The following ZBTB44 variants were observed in gnomAD, a reference collection of about 807,000 sequenced individuals.
ZBTB44 encodes zinc finger and BTB domain-containing protein 44.
In ZBTB44, 15 loss-of-function variants were observed where a neutral mutation model predicts 54.0. That is an observed-to-expected ratio of 0.28 (90% confidence interval 0.19 to 0.43). ZBTB44 has a LOEUF of 0.43. Ranked by LOEUF, ZBTB44 falls within the 20% of genes least tolerant of loss-of-function variation. ZBTB44 has a pLI of 1.00. For missense variants in ZBTB44, 487 were observed against 707.1 expected, an observed-to-expected ratio of 0.69 and a Z score of 3.53; for synonymous variants, 230 against 250.1, an observed-to-expected ratio of 0.92 and a Z score of 0.76.
At chr11:130,299,100 T>C (rs76980635) in intron 1 of ZBTB44, among the ~76,000 whole-genome samples, 9,725 of 149,516 alleles carry the variant, frequency 0.065, 741 homozygotes, top group African/African-American at 0.18. Flanking sequence ...TAAAAAAAAC[T>C]GTAAAGGGCA....
At chr11:130,287,964 A>AC (rs1000201183) in intron 1 of ZBTB44, among the ~76,000 whole-genome samples, 6 of 147,734 alleles carry the variant, frequency 4.1e-5, no homozygotes, top group Non-Finnish European at 8.9e-5. Flanking sequence ...ATTTTCTCAG[A>AC]CAAAAAAAAA....
At chr11:130,270,982 G>A (rs1317263269) in intron 1 of ZBTB44, among the ~76,000 whole-genome samples, 2 of 152,142 alleles carry the variant, frequency 1.3e-5, no homozygotes, top group Non-Finnish European at 2.9e-5. Flanking sequence ...AGAATGTACG[G>A]GGACGAAGGG....
At chr11:130,255,886 G>T (rs1308493043) in intron 2 of ZBTB44, among the ~76,000 whole-genome samples, 2 of 121,638 alleles carry the variant, frequency 1.6e-5, no homozygotes, top group Non-Finnish European at 3.3e-5. Flanking sequence ...TTCTAAAGTT[G>T]AGGCAAAACC....
At chr11:130,285,722 T>TA (rs1302549824) in intron 1 of ZBTB44, 3 of 249,494 alleles carry the variant, frequency 1.2e-5, no homozygotes, top group Admixed American at 1.2e-4. Context: ...CCAGTTCTTG[T>TA]ACTCTGGAAT....
chr11:130,298,538 C>T (rs1378497079), intron 1 of ZBTB44, among the ~76,000 whole-genome samples: 1 of 148,700 alleles, frequency 6.7e-6, no homozygotes, highest in Non-Finnish European at 1.5e-5. Flanking sequence ...TCTTGGCTCA[C>T]TGCAACCTTC....
intron 2 of ZBTB44, among the ~76,000 whole-genome samples, chr11:130,255,609 G>T (rs756324023): frequency 5.3e-5 from 8 of 152,090 alleles, no homozygotes; most frequent in Admixed American, 2.0e-4. Flanking sequence ...AATGAATCCA[G>T]GAGGTGGTGT....
In ZBTB44 at chr11:130,297,912, AAT is replaced by A. The variant is rs566457011; in HGVS notation, c.-57+16461_-57+16462del. The stretch of plus-strand genomic sequence containing the variant: ...GTCAGAAGAGATAAAAGCATTCTCA[AAT>A]ATATGTTTTTTATAAGAAACACACT... On this transcript the variant is annotated intron_variant, in intron 1 of 7. Transcript: ENST00000357899. 1.6e-3 allele frequency among the ~76,000 whole-genome samples: 243 copies of A among 152,346 alleles called. 5 individuals are homozygous for A. In the South Asian group the frequency reaches 0.034, roughly 22 times the overall value.
chr11:130,268,631 T>C (rs1033583677), intron 1 of ZBTB44, among the ~76,000 whole-genome samples: 5 of 151,964 alleles, frequency 3.3e-5, no homozygotes, highest in Non-Finnish European at 7.4e-5. Context: ...CAGGCTGGAG[T>C]ACAGTGGCAC....
chr11:130,255,579 G>A (rs1357217703), intron 2 of ZBTB44, among the ~76,000 whole-genome samples: 1 of 151,946 alleles, frequency 6.6e-6, no homozygotes, highest in Non-Finnish European at 1.5e-5. Context: ...AGAGACACAC[G>A]AAAAGCCCTT....
In ZBTB44 at chr11:130,261,487, T is replaced by C. The variant is rs1565659877; in HGVS notation, c.387A>G (p.Leu129=). The C allele has an allele frequency of 2.5e-6, 4 of 1,613,900 alleles. No individual in the cohort carries two copies. Among genetic ancestry groups the C allele is most frequent in the Admixed American group, 3.3e-5 (2 of 60,008 alleles). The change falls in exon 2 of 8, where the codon TTA becomes TTG. Residue 129 remains leucine (L), a synonymous_variant. Transcript: ENST00000357899. This position sits in a 1 kb window ranked among gnomAD's most constrained non-coding sequence, Gnocchi z 4.8. ...CAGGTTGGCTGTTGGGTGTATTCCA[T>C]AAAATGCTTGATTTCATGAACTCTG... The part of the protein sequence containing the change: ...TCSEFMKSSI[L]WNTPNSQPEK...
chr11:130,292,864 A>C (rs1299624171), intron 1 of ZBTB44, among the ~76,000 whole-genome samples: 1 of 152,172 alleles, frequency 6.6e-6, no homozygotes, highest in South Asian at 2.1e-4. Context: ...AAAGTTATTA[A>C]AATAAGACGT....
At chr11:130,297,178 G>C (rs1565332997) in intron 1 of ZBTB44, among the ~76,000 whole-genome samples, 1 of 152,114 alleles carries the variant, frequency 6.6e-6, no homozygotes, top group Non-Finnish European at 1.5e-5. Flanking sequence ...ATTGACTTGG[G>C]TTGCAAGCAC....
At chr11:130,312,648 A>G (rs1379473593) in intron 1 of ZBTB44, among the ~76,000 whole-genome samples, 1 of 152,140 alleles carries the variant, frequency 6.6e-6, no homozygotes, top group Non-Finnish European at 1.5e-5. Context: ...ATCCTATTTA[A>G]TTTCCCCTGC....
At chr11:130,269,543 A>C (rs899971298) in intron 1 of ZBTB44, among the ~76,000 whole-genome samples, 2 of 152,222 alleles carry the variant, frequency 1.3e-5, no homozygotes, top group Admixed American at 1.3e-4. Flanking sequence ...AAATACTGCT[A>C]TCACACATTC....
At chr11:130,232,009 G>A (rs1413881784) in intron 7 of ZBTB44, 1 of 152,146 alleles carries the variant, frequency 6.6e-6, no homozygotes, top group African/African-American at 2.4e-5. Flanking sequence ...GGCAGCAAAT[G>A]GGTAAAAACA....
chr11:130,288,811 C>T (rs1261141490), intron 1 of ZBTB44, among the ~76,000 whole-genome samples: 2 of 151,654 alleles, frequency 1.3e-5, no homozygotes, highest in African/African-American at 4.8e-5. Flanking sequence ...GCACGAGAAT[C>T]GCTTGAACCC....
At position 130,282,427 on chromosome 11, in the gene ZBTB44, G is replaced by A. The variant is rs79685989; in HGVS notation, c.-56-20498C>T. ...TTGTTTCTGGCTTATTTCACATAGC[G>A]AAGTGTTCTCAAGGTTCTTCCACAA... On this transcript the variant is annotated intron_variant, in intron 1 of 7. Transcript: ENST00000357899. Among the ~76,000 whole-genome samples the A allele has an allele frequency of 9.2e-3, 1,405 of 152,306 alleles. 17 individuals are homozygous for A. Among genetic ancestry groups the A allele is most frequent in the African/African-American group, 0.031 (1,274 of 41,568 alleles).
intron 1 of ZBTB44, chr11:130,295,989 T>A: frequency 6.5e-7 from 1 of 1,550,288 alleles, no homozygotes; most frequent in South Asian, 1.1e-5. Flanking sequence ...GTCTGCTGTA[T>A]CATATGCAGA....
chr11:130,280,627 TAGTC>T (rs1565673356), intron 1 of ZBTB44, among the ~76,000 whole-genome samples: 1 of 152,192 alleles, frequency 6.6e-6, no homozygotes. Flanking sequence ...AACAGAAGAA[TAGTC>T]AGTCTTTCTA....
Sources: allele counts gnomAD v4.1 joint callset (sites outside exome capture counted in the v4.1 genomes callset), GRCh38; gene constraint gnomAD v4.1.1; non-coding constraint Gnocchi (gnomAD v3.1); transcripts MANE v1.5; gene names NCBI Gene and HGNC (gene_info 2026-07-23, HGNC 2026-07-21).